The following HCLS1 variants were observed in gnomAD, a reference collection of about 807,000 sequenced individuals.
The protein encoded by HCLS1 is hematopoietic lineage cell-specific protein.
A neutral mutation model predicts 68.6 loss-of-function variants in HCLS1; 44 were observed. The ratio of observed to expected loss-of-function variants is 0.64; its 90% CI spans 0.50 to 0.82. The LOEUF (loss-of-function observed/expected upper bound fraction) is 0.82. Ranked by LOEUF, HCLS1 falls within the 40% of genes least tolerant of loss-of-function variation. The pLI is 0.00. For synonymous variants in HCLS1, 217 were observed against 225.8 expected (o/e 0.96, Z 0.35); for missense variants, 602 against 612.1 (o/e 0.98, Z 0.17).
chr3:121,646,490 A>C (rs1937608843), intron 4 of HCLS1, among the ~76,000 whole-genome samples: 1 of 105,938 alleles, frequency 9.4e-6, no homozygotes, highest in South Asian at 2.8e-4. Flanking sequence ...TAGATATATT[A>C]TATATTATAT....
rs981199710 is a variant in HCLS1 at position 121,635,663 on chromosome 3, T to C, written c.691+72A>G. The C allele has an allele frequency of 1.9e-5, 22 of 1,173,774 alleles. No individual in the cohort carries two copies. In the African/African-American group the frequency reaches 3.1e-4, roughly 17 times the overall value. 72.7% of individuals were successfully genotyped at this position (1,173,774 alleles called of 1,614,324 possible). The stretch of plus-strand genomic sequence containing the variant: ...TCTAGGTAGTTAAAGGCATGGAGGA[T>C]ATAGTCTGGGGAAGAAAAAGAATGA... On this transcript the variant is annotated intron_variant, in intron 9 of 13. Coordinates refer to ENST00000314583, the MANE Select transcript of HCLS1 (RefSeq NM_005335.6).
At chr3:121,656,661 G>A (rs1428217951) in intron 3 of HCLS1, among the ~76,000 whole-genome samples, 1 of 152,204 alleles carries the variant, frequency 6.6e-6, no homozygotes, top group Non-Finnish European at 1.5e-5. Context: ...TTTATCAACA[G>A]GTTTTCCAAG....
At chr3:121,636,902 T>C (rs967952134) in intron 7 of HCLS1, among the ~76,000 whole-genome samples, 8 of 152,036 alleles carry the variant, frequency 5.3e-5, no homozygotes, top group Non-Finnish European at 1.2e-4. Flanking sequence ...CATTCCTTCC[T>C]CAACGCCCCC....
chr3:121,647,429 T>C lies in HCLS1; in HGVS notation c.178A>G (p.Lys60Glu), dbSNP rs749397845. 3.7e-6 allele frequency: 6 copies of C among 1,614,062 alleles called. No homozygotes were observed. In the Admixed American group the frequency reaches 6.7e-5, roughly 18 times the overall value. The part of the protein sequence containing the change: ...EHINIHQLRN[K>E]VSEEHDVLRK... The stretch of plus-strand genomic sequence containing the variant: ...AGAACATCATGCTCCTCTGATACTT[T>C]GTTCCTCAGCTGGTGGATGCTGGAA... Residue 60 changes from lysine to glutamate, a missense_variant, in exon 4 of 14, where the codon AAA (lysine) becomes GAA (glutamate). Transcript: ENST00000314583.
At chr3:121,640,764 A>G (rs1318709961) in intron 6 of HCLS1, among the ~76,000 whole-genome samples, 1 of 133,118 alleles carries the variant, frequency 7.5e-6, no homozygotes, top group Non-Finnish European at 1.6e-5. Context: ...ATCTAAAAAA[A>G]GAGAGGGAAG....
rs1365292415 is a variant in HCLS1 at position 121,641,848 on chromosome 3, G to A, written c.454+1079C>T. Among the ~76,000 whole-genome samples, 5 of 152,170 alleles carry A rather than the reference G, an allele frequency of 3.3e-5. No homozygotes were observed. The South Asian group carries it at 1.0e-3, about 32-fold the overall frequency. ...TGTAATCCCAGCACTTTGGGAAGCC[G>A]AGGCAGGCAGATCACGAGGTCAGAA... On this transcript the variant is annotated intron_variant, in intron 6 of 13. Coordinates refer to ENST00000314583, the MANE Select transcript of HCLS1 (RefSeq NM_005335.6).
chr3:121,639,588 G>T (rs1010973557), intron 6 of HCLS1, among the ~76,000 whole-genome samples: 1 of 152,034 alleles, frequency 6.6e-6, no homozygotes, highest in Non-Finnish European at 1.5e-5. Context: ...TCACTCTGTT[G>T]CCCAGGCCAA....
chr3:121,658,902 T>G (rs528649497), intron 1 of HCLS1, among the ~76,000 whole-genome samples: 10 of 152,242 alleles, frequency 6.6e-5, no homozygotes, highest in African/African-American at 2.4e-4. Context: ...CCACCCTGAG[T>G]CTGGTCACCT....
chr3:121,637,708 G>A (rs756707069), intron 6 of HCLS1, among the ~76,000 whole-genome samples: 51 of 152,316 alleles, frequency 3.3e-4, no homozygotes, highest in Non-Finnish European at 6.8e-4. Flanking sequence ...GCCGAGGCAG[G>A]TGGATCACCT....
chr3:121,631,969 C>G lies in HCLS1; in HGVS notation c.1338G>C (p.Glu446Asp). 1 of 1,614,212 alleles carries G rather than the reference C, an allele frequency of 6.2e-7. No individual in the cohort carries two copies. The highest frequency in any genetic ancestry group is 8.5e-7 in the Non-Finnish European group (1 of 1,180,036). The change falls in exon 14 of 14, where the codon GAG (glutamate) becomes GAC (aspartate). Residue 446 changes from glutamate to aspartate, a missense_variant. Glu to Asp is a conservative substitution (Grantham distance 45). Transcript: ENST00000314583. ...TTACGTCGTCCGGATCAAAGGAAAG[C>G]TCATCACTTCCCTCTGGGGAGAAAG... ...VYDYQGEGSD[E>D]LSFDPDDVIT... is the part of the protein sequence containing the mutation.
At position 121,635,789 on chromosome 3, in the gene HCLS1, T is replaced by C; in HGVS notation, c.637A>G (p.Asn213Asp). 1.2e-6 allele frequency: 2 copies of C among 1,614,078 alleles called. No individual in the cohort carries two copies. The highest frequency in any genetic ancestry group is 1.7e-6 in the Non-Finnish European group (2 of 1,179,994). The change falls in exon 9 of 14, where the codon AAT (asparagine) becomes GAT (aspartate). Residue 213 changes from asparagine (N) to aspartate (D), a missense_variant. Transcript: ENST00000314583. ...DRVDKSAVGF[N>D]EMEAPTTAYK... ...GCTGTGGTCGGGGCCTCCATTTCAT[T>C]GAAGCCGACAGCGCTCTGCAGGCAG...
rs185584348 is a variant in HCLS1 at position 121,659,221 on chromosome 3, G to A, written c.1-874C>T. Among the ~76,000 whole-genome samples the A allele has an allele frequency of 4.6e-5, 7 of 152,242 alleles. No homozygotes were observed. The South Asian group carries it at 6.2e-4, about 14-fold the overall frequency. ...AAGGGTGCCAAACTTATTCTGCTGGGGCATTCCCAGTGTTCTAGACGGCCT... is the reference window on the plus strand; with the variant it reads ...AAGGGTGCCAAACTTATTCTGCTGGAGCATTCCCAGTGTTCTAGACGGCCT... On this transcript the variant is annotated intron_variant, in intron 1 of 13. Transcript: ENST00000314583.
At chr3:121,653,303 T>A (rs1269188172) in intron 3 of HCLS1, among the ~76,000 whole-genome samples, 1 of 152,160 alleles carries the variant, frequency 6.6e-6, no homozygotes, top group Non-Finnish European at 1.5e-5. Flanking sequence ...AATTTCAGAT[T>A]TTGGAACATT....
intron 3 of HCLS1, among the ~76,000 whole-genome samples, chr3:121,648,796 T>G (rs1039567887): frequency 6.6e-6 from 1 of 152,166 alleles, no homozygotes; most frequent in Non-Finnish European, 1.5e-5. Context: ...TTAAGCCAAG[T>G]GCTGGAAGAA....
chr3:121,639,284 C>T (rs1295460585), intron 6 of HCLS1, among the ~76,000 whole-genome samples: 1 of 151,986 alleles, frequency 6.6e-6, no homozygotes, highest in Non-Finnish European at 1.5e-5. Flanking sequence ...AGAACATTGA[C>T]CAAATAGACC....
chr3:121,659,209 T>G (rs1439502931), intron 1 of HCLS1, among the ~76,000 whole-genome samples: 1 of 152,200 alleles, frequency 6.6e-6, no homozygotes, highest in Non-Finnish European at 1.5e-5. Context: ...GGTGCCAAAC[T>G]TATTCTGCTG....
intron 6 of HCLS1, among the ~76,000 whole-genome samples, chr3:121,637,798 T>C (rs2049163816): frequency 6.6e-6 from 1 of 152,008 alleles, no homozygotes; most frequent in Non-Finnish European, 1.5e-5. Flanking sequence ...TATCCAGGCA[T>C]GGTGATGTGC....
chr3:121,636,190 C>T (rs990574598), intron 8 of HCLS1, among the ~76,000 whole-genome samples: 1 of 152,194 alleles, frequency 6.6e-6, no homozygotes, highest in Non-Finnish European at 1.5e-5. Context: ...CCAATACGAC[C>T]TTTCCCGGCG....
chr3:121,633,694 T>C (rs764749650), intron 10 of HCLS1, among the ~76,000 whole-genome samples: 3 of 152,142 alleles, frequency 2.0e-5, no homozygotes, highest in Non-Finnish European at 4.4e-5. Flanking sequence ...CACACCACCA[T>C]GCCCAGCTAA....
Sources: gnomAD v4.1 joint callset for allele counts (sites outside exome capture counted in the v4.1 genomes callset) on GRCh38, gnomAD v4.1.1 for gene constraint, MANE v1.5 for transcripts, NCBI Gene and HGNC (gene_info 2026-07-23, HGNC 2026-07-21) for gene names.